EYS: variants seen among roughly 807,000 people sequenced by gnomAD.
The protein encoded by EYS is EGF-like photoreceptor maintenance factor, also known as protein eyes shut homolog.
A neutral mutation model predicts 282.1 loss-of-function variants in EYS; 250 were observed. The ratio of observed to expected loss-of-function variants is 0.89; its 90% CI spans 0.80 to 0.98. The LOEUF (loss-of-function observed/expected upper bound fraction) is 0.98, where lower values mean the gene tolerates loss of function less well. Ranked by LOEUF, EYS falls within the 50% of genes least tolerant of loss-of-function variation. The pLI is 0.00. For missense variants in EYS, 4,016 were observed against 3,709.0 expected (o/e 1.08, Z -2.15); for synonymous variants, 1,355 against 1,282.9 (o/e 1.06, Z -1.20).
At chr6:64,751,183 T>C (rs1350306029) in intron 22 of EYS, among the ~76,000 whole-genome samples, 1 of 152,176 alleles carries the variant, frequency 6.6e-6, no homozygotes, top group East Asian at 1.9e-4. Context: ...CTCCACTCCT[T>C]GCCTGGGCAG....
intron 12 of EYS, among the ~76,000 whole-genome samples, chr6:65,075,848 C>G (rs1215814708): frequency 6.6e-6 from 1 of 151,850 alleles, no homozygotes; most frequent in Non-Finnish European, 1.5e-5. Context: ...TTTGATAGGT[C>G]TAAAATGCAT....
chr6:64,680,747 T>C (rs1390972832), intron 22 of EYS, among the ~76,000 whole-genome samples: 1 of 152,112 alleles, frequency 6.6e-6, no homozygotes, highest in Admixed American at 6.5e-5. Context: ...AGTTTGCTTG[T>C]ACTGTGGGGG....
chr6:63,927,515 G>T (rs975531338), intron 35 of EYS, among the ~76,000 whole-genome samples: 1 of 152,184 alleles, frequency 6.6e-6, no homozygotes, highest in Admixed American at 6.5e-5. Flanking sequence ...AATTGAGATG[G>T]ATGTTCCTTT....
intron 14 of EYS, among the ~76,000 whole-genome samples, chr6:64,960,167 T>C (rs1769864758): frequency 6.6e-6 from 1 of 152,094 alleles, no homozygotes; most frequent in Admixed American, 6.5e-5. Context: ...TTTCCAGATA[T>C]TTTCTTAATC....
chr6:65,616,225 A>T (rs1474475906), intron 2 of EYS, among the ~76,000 whole-genome samples: 2 of 152,172 alleles, frequency 1.3e-5, no homozygotes, highest in Non-Finnish European at 2.9e-5. Context: ...TAGTGTTAAT[A>T]GTCATATAAA....
chr6:63,880,906 C>A (rs1368316853), intron 35 of EYS, among the ~76,000 whole-genome samples: 4 of 152,108 alleles, frequency 2.6e-5, no homozygotes, highest in Non-Finnish European at 5.9e-5. Context: ...GTACAATGGC[C>A]ATTTCTCATC....
At position 64,388,898 on chromosome 6, in the gene EYS, C is replaced by A. The variant is rs1773002817; in HGVS notation, c.5928-58G>T. 2.7e-5 allele frequency: 29 copies of A among 1,075,156 alleles called. No homozygotes were observed. The East Asian group carries it at 7.4e-4, about 28-fold the overall frequency. The allele number at this position is 1,075,156 out of a possible 1,614,324, so 66.6% of individuals were successfully genotyped here. ...ATAAGTCATATAAACATTTATCTGA[C>A]AAATTAATTAAACTATTATCAAAAG... On this transcript the variant is annotated intron_variant, in intron 28 of 42. Transcript: ENST00000503581.
chr6:63,855,602 G>A (rs536757213), intron 36 of EYS, among the ~76,000 whole-genome samples: 14 of 152,300 alleles, frequency 9.2e-5, no homozygotes, highest in African/African-American at 3.4e-4. Context: ...CCTACCATGT[G>A]TCAGACACCA....
Position 64,632,727 on chromosome 6 carries a change from G to A in EYS, c.3444-6482C>T, listed in dbSNP as rs561803464. Reference sequence around the variant, plus strand: ...TCTATGTTTCTGGGAAACACAATAGGAGCATCAGGTTGATAAGTAGGGGAT... The same window carrying A: ...TCTATGTTTCTGGGAAACACAATAGAAGCATCAGGTTGATAAGTAGGGGAT... On this transcript the variant is annotated intron_variant, in intron 22 of 42. Transcript: ENST00000503581. Among the ~76,000 whole-genome samples the A allele has an allele frequency of 1.2e-4, 13 of 109,982 alleles. No individual in the cohort carries two copies. In the South Asian group the frequency reaches 4.1e-3, roughly 35 times the overall value. 72.2% of individuals were successfully genotyped at this position (109,982 alleles called of 152,430 possible). A position where few individuals can be genotyped will look rare whatever the true frequency, so the allele number is the denominator to read the frequency against.
chr6:63,911,621 C>T (rs2624657), intron 35 of EYS, among the ~76,000 whole-genome samples: 104,980 of 152,094 alleles, frequency 0.69, 36,458 homozygotes, highest in Non-Finnish European at 0.73. Flanking sequence ...ACAGTATGAC[C>T]TGGGTCATTC....
At chr6:64,249,186 A>G (rs948468250) in intron 30 of EYS, among the ~76,000 whole-genome samples, 5 of 152,158 alleles carry the variant, frequency 3.3e-5, no homozygotes, top group South Asian at 4.1e-4. Flanking sequence ...AAGAAAATAC[A>G]GTATATATAG....
intron 35 of EYS, among the ~76,000 whole-genome samples, chr6:63,913,913 C>T (rs1279548388): frequency 6.6e-6 from 1 of 152,150 alleles, no homozygotes; most frequent in Non-Finnish European, 1.5e-5. Flanking sequence ...ACAGCGTATG[C>T]TTCTTTCTGT....
At chr6:64,309,136 A>C (rs964308671) in intron 29 of EYS, among the ~76,000 whole-genome samples, 1 of 152,166 alleles carries the variant, frequency 6.6e-6, no homozygotes, top group African/African-American at 2.4e-5. Context: ...GACATAGCTC[A>C]GCAATGGCAT....
chr6:65,274,669 A>T (rs190613099), intron 12 of EYS, among the ~76,000 whole-genome samples: 3 of 152,174 alleles, frequency 2.0e-5, no homozygotes, highest in Non-Finnish European at 4.4e-5. Context: ...TTTCTATAAG[A>T]TATCATGCTG....
chr6:65,135,115 C>T (rs1581941643), intron 12 of EYS, among the ~76,000 whole-genome samples: 2 of 151,890 alleles, frequency 1.3e-5, no homozygotes, highest in Non-Finnish European at 2.9e-5. Flanking sequence ...CTATTGATGT[C>T]TTATTTTGGA....
At chr6:63,868,032 A>G (rs1243211089) in intron 35 of EYS, among the ~76,000 whole-genome samples, 1 of 152,170 alleles carries the variant, frequency 6.6e-6, no homozygotes, top group Non-Finnish European at 1.5e-5. Flanking sequence ...CTTTTGACCA[A>G]CATATATCTG....
intron 12 of EYS, among the ~76,000 whole-genome samples, chr6:65,280,278 C>T (rs1768179527): frequency 6.6e-6 from 1 of 152,144 alleles, no homozygotes. Context: ...ATTCTGCCAT[C>T]GACGCCACCT....
intron 26 of EYS, among the ~76,000 whole-genome samples, chr6:64,542,138 C>T (rs1377677150): frequency 6.6e-6 from 1 of 151,950 alleles, no homozygotes; most frequent in Non-Finnish European, 1.5e-5. Flanking sequence ...AATAGTTCAC[C>T]TCTGAATTTT....
Position 64,997,622 on chromosome 6 carries a change from T to G in EYS, c.2219A>C (p.Asn740Thr). 1 of 1,551,284 alleles carries G rather than the reference T, an allele frequency of 6.4e-7. No homozygotes were observed. The highest frequency in any genetic ancestry group is 8.7e-7 in the Non-Finnish European group (1 of 1,146,620). ...CEQDIDDCIL[N>T]ACEHNSTCKD... ...GCAGGTAGAATTGTGCTCACAGGCA[T>G]TCAGGATGCAGTCATCAATGTCCTG... The change falls in exon 14 of 43, where the codon AAT becomes ACT. Residue 740 changes from asparagine (N) to threonine (T), a missense_variant. Transcript: ENST00000503581.
Sources: allele counts gnomAD v4.1 joint callset (sites outside exome capture counted in the v4.1 genomes callset), GRCh38; gene constraint gnomAD v4.1.1; transcripts MANE v1.5; gene names NCBI Gene and HGNC (gene_info 2026-07-23, HGNC 2026-07-21).